Variants in DGKI observed in about 807,000 individuals in gnomAD.
The protein encoded by DGKI is diacylglycerol kinase iota, also known as DAG kinase iota.
In DGKI, 55 loss-of-function variants were observed where a neutral mutation model predicts 147.5. The observed-to-expected ratio is 0.37, with a 90% confidence interval of 0.30 to 0.47. The LOEUF (loss-of-function observed/expected upper bound fraction) is 0.47. Ranked by LOEUF, DGKI falls within the 20% of genes least tolerant of loss-of-function variation. The pLI is 1.00. For missense variants in DGKI, 1,007 were observed against 1,323.8 expected (o/e 0.76, Z 3.71); for synonymous variants, 469 against 477.1 (o/e 0.98, Z 0.22).
At chr7:137,408,712 GA>G (rs565009706) in intron 29 of DGKI, among the ~76,000 whole-genome samples, 27 of 146,232 alleles carry the variant, frequency 1.8e-4, no homozygotes, top group Admixed American at 2.7e-4. Context: ...GAGAAGACTG[GA>G]AAAAAAAAAC....
At chr7:137,527,087 C>A (rs955860039) in intron 20 of DGKI, among the ~76,000 whole-genome samples, 1 of 152,118 alleles carries the variant, frequency 6.6e-6, no homozygotes, top group African/African-American at 2.4e-5. Flanking sequence ...AAATTTAGTT[C>A]CAATCTAAAT....
intron 1 of DGKI, among the ~76,000 whole-genome samples, chr7:137,731,669 T>C (rs1342908746): frequency 6.6e-6 from 1 of 152,116 alleles, no homozygotes; most frequent in Non-Finnish European, 1.5e-5. Flanking sequence ...TTCTTGCCCT[T>C]GCCTGACCTT....
chr7:137,672,607 C>A (rs972051168), intron 3 of DGKI, among the ~76,000 whole-genome samples: 1 of 152,078 alleles, frequency 6.6e-6, no homozygotes, highest in Non-Finnish European at 1.5e-5. Context: ...AGGTTGAACA[C>A]CCTTTTGAAG....
At chr7:137,613,520 T>TTGGTC (rs1820435012) in intron 8 of DGKI, among the ~76,000 whole-genome samples, 1 of 152,140 alleles carries the variant, frequency 6.6e-6, no homozygotes, top group Non-Finnish European at 1.5e-5. Context: ...CAGGATATTA[T>TTGGTC]TGGTCGTTGC....
intron 19 of DGKI, among the ~76,000 whole-genome samples, chr7:137,558,226 T>C (rs545719483): frequency 6.6e-6 from 1 of 152,298 alleles, no homozygotes; most frequent in African/African-American, 2.4e-5. Flanking sequence ...TTAAGATTTT[T>C]TTCATTTTAT....
intron 28 of DGKI, among the ~76,000 whole-genome samples, chr7:137,422,761 C>T (rs1448629858): frequency 6.6e-6 from 1 of 151,728 alleles, no homozygotes; most frequent in Non-Finnish European, 1.5e-5. Flanking sequence ...CCCGCCACCA[C>T]ACCTGGCTAA....
intron 19 of DGKI, among the ~76,000 whole-genome samples, chr7:137,555,544 A>C: frequency 6.6e-6 from 1 of 152,164 alleles, no homozygotes; most frequent in South Asian, 2.1e-4. Context: ...AAATTAAATA[A>C]ATAAAATAAG....
chr7:137,571,113 G>T, intron 19 of DGKI, 62 bp downstream of exon 19: 1 of 1,237,970 alleles, frequency 8.1e-7, no homozygotes, highest in Non-Finnish European at 1.1e-6. Flanking sequence ...AAAGTCCTGT[G>T]AATTGAATAA....
chr7:137,662,142 C>G (rs913138343), intron 3 of DGKI, among the ~76,000 whole-genome samples: 1 of 152,124 alleles, frequency 6.6e-6, no homozygotes, highest in African/African-American at 2.4e-5. Flanking sequence ...AAAGCCCGAC[C>G]TCCACCATCA....
intron 27 of DGKI, among the ~76,000 whole-genome samples, chr7:137,462,536 T>A (rs1814486956): frequency 6.6e-6 from 1 of 152,154 alleles, no homozygotes; most frequent in African/African-American, 2.4e-5. Context: ...AATTTCTCAT[T>A]TTTTTCCCCT....
intron 7 of DGKI, among the ~76,000 whole-genome samples, chr7:137,621,845 G>A (rs1820759404): frequency 6.6e-6 from 1 of 152,192 alleles, no homozygotes; most frequent in Non-Finnish European, 1.5e-5. Context: ...GCACAGGGCA[G>A]GAGCAGATGC....
intron 30 of DGKI, among the ~76,000 whole-genome samples, chr7:137,403,564 G>A (rs917696082): frequency 6.6e-6 from 1 of 152,150 alleles, no homozygotes; most frequent in African/African-American, 2.4e-5. Flanking sequence ...GAGTAAGGCT[G>A]CAGGAAGCAA....
chr7:137,776,784 G>A (rs1796375177), intron 1 of DGKI, among the ~76,000 whole-genome samples: 1 of 152,094 alleles, frequency 6.6e-6, no homozygotes, highest in Admixed American at 6.6e-5. Context: ...ATATTTGAGG[G>A]GGCAGGTGTA....
At chr7:137,589,030 T>G (rs2128984676) in intron 12 of DGKI, among the ~76,000 whole-genome samples, 1 of 152,274 alleles carries the variant, frequency 6.6e-6, no homozygotes, top group African/African-American at 2.4e-5. Flanking sequence ...TAGGGAACCC[T>G]TAAATAAAGA....
rs544465268 is a variant in DGKI, at chr7:137,684,621, A to G, written c.510+5273T>C. ...TTAAAAACTCCCCCGTTCTCAGAAAATAAAGGAATGGTGAGAGTCCCTGAA... is the reference window on the plus strand; with the variant it reads ...TTAAAAACTCCCCCGTTCTCAGAAAGTAAAGGAATGGTGAGAGTCCCTGAA... On this transcript the variant is annotated intron_variant, in intron 2 of 32. Transcript: ENST00000614521. 7.9e-5 allele frequency among the ~76,000 whole-genome samples: 12 copies of G among 152,332 alleles called. No homozygotes were observed. In the South Asian group the frequency reaches 2.1e-3, roughly 26 times the overall value.
intron 1 of DGKI, among the ~76,000 whole-genome samples, chr7:137,692,338 T>A (rs1481486181): frequency 6.6e-6 from 1 of 152,202 alleles, no homozygotes; most frequent in Non-Finnish European, 1.5e-5. Context: ...CTAAATTAAG[T>A]GTCCTTACAA....
intron 6 of DGKI, among the ~76,000 whole-genome samples, chr7:137,630,582 C>T (rs1045237962): frequency 1.3e-4 from 20 of 152,138 alleles, no homozygotes; most frequent in African/African-American, 4.8e-4. Context: ...CAGATGCCTT[C>T]GTGGAAACAG....
chr7:137,748,570 A>C (rs900654553), intron 1 of DGKI, among the ~76,000 whole-genome samples: 1 of 152,208 alleles, frequency 6.6e-6, no homozygotes, highest in African/African-American at 2.4e-5. Flanking sequence ...AGCATAAAAC[A>C]GACAATGTAT....
intron 3 of DGKI, among the ~76,000 whole-genome samples, chr7:137,668,535 A>C (rs1563141444): frequency 1.3e-5 from 2 of 152,198 alleles, no homozygotes; most frequent in Non-Finnish European, 2.9e-5. Context: ...TCATTCATTC[A>C]ATGTTAAGTA....
Sources: gnomAD v4.1 joint callset for allele counts (sites outside exome capture counted in the v4.1 genomes callset) on GRCh38, gnomAD v4.1.1 for gene constraint, MANE v1.5 for transcripts, NCBI Gene and HGNC (gene_info 2026-07-23, HGNC 2026-07-21) for gene names.